LRCH3: variants seen among roughly 807,000 people sequenced by gnomAD.
LRCH3 encodes the protein leucine rich repeats and calponin homology domain containing 3, also known as DISP complex protein LRCH3.
A neutral mutation model predicts 104.5 loss-of-function variants in LRCH3; 68 were observed. The observed-to-expected ratio is 0.65, with a 90% CI of 0.54 to 0.80. The LOEUF (loss-of-function observed/expected upper bound fraction) is 0.80. LRCH3 is among the 30% of genes least tolerant of loss of function. LRCH3 has a pLI of 0.00. For missense variants in LRCH3, 951 were observed against 953.9 expected, an observed-to-expected ratio of 1.00 and a Z score of 0.04; for synonymous variants, 344 against 361.3, an observed-to-expected ratio of 0.95 and a Z score of 0.54.
At chr3:197,802,668 C>T (rs1359487604) in intron 1 of LRCH3, among the ~76,000 whole-genome samples, 1 of 152,142 alleles carries the variant, frequency 6.6e-6, no homozygotes, top group African/African-American at 2.4e-5. Flanking sequence ...TCAATCCTTA[C>T]TCATTAATCT....
intron 1 of LRCH3, among the ~76,000 whole-genome samples, chr3:197,799,711 A>T (rs1731652622): frequency 6.6e-6 from 1 of 152,116 alleles, no homozygotes; most frequent in Non-Finnish European, 1.5e-5. Flanking sequence ...TACTAAAAAT[A>T]CAAAAAATTA....
In LRCH3 at chr3:197,875,783, A is replaced by G; in HGVS notation, c.2208+8A>G. The G allele has an allele frequency of 2.0e-6, 3 of 1,516,120 alleles. No individual in the cohort carries two copies. The highest frequency in any genetic ancestry group is 2.7e-6 in the Non-Finnish European group (3 of 1,130,610). 93.9% of individuals were successfully genotyped at this position (1,516,120 alleles called of 1,614,324 possible). ...AAAATTGGTGTACCTCAGGTAATAA[A>G]TTTATCATTTTTTATGTTGCCTAAA... On this transcript the variant is annotated splice_region_variant and intron_variant, in intron 20 of 20. Transcript: ENST00000425562.
At chr3:197,881,258 G>C (rs1280549970) in intron 20 of LRCH3, 17 of 996,504 alleles carry the variant, frequency 1.7e-5, no homozygotes, top group Non-Finnish European at 2.0e-5. Context: ...TTGTCGGTAG[G>C]CACAGGTCCA....
intron 13 of LRCH3, 132 bp downstream of exon 13, chr3:197,852,752 C>T (rs1347014723): frequency 5.6e-6 from 5 of 887,252 alleles, no homozygotes; most frequent in African/African-American, 1.7e-5. Context: ...ACAATATTCT[C>T]CTTATGAGGG....
intron 16 of LRCH3, among the ~76,000 whole-genome samples, chr3:197,865,746 T>C (rs1156782531): frequency 6.6e-6 from 1 of 151,028 alleles, no homozygotes; most frequent in Non-Finnish European, 1.5e-5. Context: ...AGAAATCAGA[T>C]ACAGAATTGG....
intron 19 of LRCH3, among the ~76,000 whole-genome samples, chr3:197,873,215 C>T (rs898837667): frequency 2.0e-5 from 3 of 152,176 alleles, no homozygotes; most frequent in African/African-American, 7.2e-5. Context: ...AATCCTACAA[C>T]GAACACTATT....
intron 10 of LRCH3, among the ~76,000 whole-genome samples, chr3:197,845,858 C>T (rs200502923): frequency 6.6e-6 from 1 of 152,136 alleles, no homozygotes; most frequent in Non-Finnish European, 1.5e-5. Flanking sequence ...TGAGCGAGAT[C>T]GTGCCACTGC....
intron 4 of LRCH3, among the ~76,000 whole-genome samples, chr3:197,825,345 G>A (rs1735028710): frequency 6.9e-6 from 1 of 144,142 alleles, no homozygotes; most frequent in Non-Finnish European, 1.5e-5. Flanking sequence ...TCCGTTTTGG[G>A]AAATTGTTTT....
intron 8 of LRCH3, among the ~76,000 whole-genome samples, chr3:197,835,206 C>T (rs1263012439): frequency 4.6e-5 from 7 of 151,386 alleles, no homozygotes; most frequent in South Asian, 2.1e-4. Context: ...GTTTTTGAGA[C>T]GGAGTCTTGC....
At position 197,880,107 on chromosome 3, in the gene LRCH3, G is replaced by A. The variant is rs552717699; in HGVS notation, c.2209-3434G>A. 5.6e-4 allele frequency among the ~76,000 whole-genome samples: 84 copies of A among 150,992 alleles called. 1 individual carries two copies. Among genetic ancestry groups the A allele is most frequent in the Admixed American group, 1.2e-3 (18 of 15,236 alleles). On this transcript the variant is annotated intron_variant, in intron 20 of 20. Transcript: ENST00000425562. ...ACTACAGGCGCCCGCCACCACGCCC[G>A]GCTAATTTTTTGTATTTTTAGTAAA...
At chr3:197,875,104 T>C (rs1712720274) in intron 19 of LRCH3, among the ~76,000 whole-genome samples, 1 of 152,056 alleles carries the variant, frequency 6.6e-6, no homozygotes, top group Non-Finnish European at 1.5e-5. Context: ...CTAATTTTTG[T>C]ATTATTAGTA....
Position 197,815,048 on chromosome 3 carries a change from AT to A in LRCH3, c.405del (p.Ser136ValfsTer17). 1.4e-6 allele frequency: 2 copies of A among 1,471,528 alleles called. No homozygotes were observed. The highest frequency in any genetic ancestry group is 1.8e-6 in the Non-Finnish European group (2 of 1,083,220). 91.2% of individuals were successfully genotyped at this position (1,471,528 alleles called of 1,614,324 possible). On this transcript the variant is annotated frameshift_variant, in exon 2 of 21. Transcript: ENST00000425562. LOFTEE classifies it high-confidence loss of function. ...LNLQALTFLN[I>X]SRNQLSTLPV... ...CCTACAAGCTCTAACATTCTTAAAT[AT>A]TAGGTAAGAATATTGTTTTCTTATT...
rs766518422 is a variant in LRCH3, at chr3:197,880,731, T to C, written c.2209-2810T>C. On this transcript the variant is annotated intron_variant, in intron 20 of 20. Transcript: ENST00000425562. ...CGCTCGCTGAAAGATTGCACTCCGGTGACTTTCTGCCTCATTCCTGTGCTT... is the reference window on the plus strand; with the variant it reads ...CGCTCGCTGAAAGATTGCACTCCGGCGACTTTCTGCCTCATTCCTGTGCTT... 8 of 1,536,584 alleles carry C rather than the reference T, an allele frequency of 5.2e-6. No individual in the cohort carries two copies. The South Asian group carries it at 8.3e-5, about 16-fold the overall frequency.
chr3:197,838,615 A>T (rs1399723119), intron 9 of LRCH3, among the ~76,000 whole-genome samples: 3 of 152,200 alleles, frequency 2.0e-5, no homozygotes, highest in Non-Finnish European at 4.4e-5. Flanking sequence ...GATAACCTTT[A>T]ATCCTCTACC....
In LRCH3 at chr3:197,888,288, C is replaced by T. The variant is rs1714393651; in HGVS notation, c.*4622C>T. The T allele has an allele frequency of 6.6e-6, 1 of 152,196 alleles. No homozygotes were observed. The highest frequency in any genetic ancestry group is 1.5e-5 in the Non-Finnish European group (1 of 68,026). 9.4% of individuals were successfully genotyped at this position (152,196 alleles called of 1,614,324 possible). ...GTAATTAGTGAAAGATTTTGTAAAA[C>T]ATTGTCCTGTATTTTTGTCTGTAAA... On this transcript the variant is annotated 3_prime_UTR_variant, in exon 21 of 21. Coordinates refer to ENST00000425562, the MANE Select transcript of LRCH3 (RefSeq NM_001365715.1).
chr3:197,838,868 T>C lies in LRCH3; in HGVS notation c.1252-453T>C, dbSNP rs1178649358. 3.3e-5 allele frequency among the ~76,000 whole-genome samples: 5 copies of C among 152,212 alleles called. No individual in the cohort carries two copies. In the East Asian group the frequency reaches 9.6e-4, roughly 29 times the overall value. On this transcript the variant is annotated intron_variant, in intron 9 of 20. Transcript: ENST00000425562. ...GAGTATGATAAGAGACAATTTGTTG[T>C]GATGGATAAATAAAGAAATGTAACC... is the stretch of plus-strand genomic sequence containing the variant.
At position 197,888,100 on chromosome 3, in the gene LRCH3, T is replaced by C. The variant is rs73892188; in HGVS notation, c.*4434T>C. 192 of 152,354 alleles carry C rather than the reference T, an allele frequency of 1.3e-3. No homozygotes were observed. The highest frequency in any genetic ancestry group is 4.5e-3 in the African/African-American group (189 of 41,576). 9.4% of individuals were successfully genotyped at this position (152,354 alleles called of 1,614,324 possible). A position where few individuals can be genotyped will look rare whatever the true frequency, so the allele number is the denominator to read the frequency against. ...CTTTCTACAGCTCAGCAGTGACTAA[T>C]GATGTGTGACTATGCGAATGAGTTT... is the stretch of plus-strand genomic sequence containing the variant. On this transcript the variant is annotated 3_prime_UTR_variant, in exon 21 of 21. Transcript: ENST00000425562.
At chr3:197,841,534 C>T (rs76016611) in intron 10 of LRCH3, among the ~76,000 whole-genome samples, 14,386 of 152,206 alleles carry the variant, frequency 0.095, 724 homozygotes, top group African/African-American at 0.11. Context: ...TTAATTTCAT[C>T]TGCAAAGCCT....
chr3:197,839,390 CA>C lies in LRCH3; in HGVS notation c.1325del (p.Asn442ThrfsTer34). 6.4e-7 allele frequency: 1 copy of C among 1,573,210 alleles called. No individual in the cohort carries two copies. On this transcript the variant is annotated frameshift_variant, in exon 10 of 21. Transcript: ENST00000425562. LOFTEE classifies it high-confidence loss of function. ...KTEDMRRYLH[Q>X]NRVPAEPSSL... ...AGAAGATATGAGAAGATATTTACAT[CA>C]AAACAGGTTTGAAAAACCAATTCTA...
Sources: gnomAD v4.1 joint callset for allele counts (sites outside exome capture counted in the v4.1 genomes callset) on GRCh38, gnomAD v4.1.1 for gene constraint, MANE v1.5 for transcripts, NCBI Gene and HGNC (gene_info 2026-07-23, HGNC 2026-07-21) for gene names.